Variants in CHN2 observed in about 807,000 individuals in gnomAD.
CHN2 encodes the protein chimerin 2, also known as beta-chimaerin.
CHN2 carries 35 observed loss-of-function variants against 56.3 expected under a neutral mutation model. That is an observed-to-expected ratio of 0.62 (90% CI 0.47 to 0.82). The LOEUF (loss-of-function observed/expected upper bound fraction) is 0.82. CHN2 is among the 40% of genes least tolerant of loss of function. The pLI, the probability that CHN2 is intolerant of heterozygous loss-of-function variation, is 0.00. For missense variants in CHN2, 491 were observed against 580.5 expected, an observed-to-expected ratio of 0.85 and a Z score of 1.58; for synonymous variants, 210 against 212.8, an observed-to-expected ratio of 0.99 and a Z score of 0.12.
At chr7:29,258,904 T>A (rs1789299492) in intron 1 of CHN2, among the ~76,000 whole-genome samples, 1 of 152,058 alleles carries the variant, frequency 6.6e-6, no homozygotes, top group South Asian at 2.1e-4. Flanking sequence ...GCATATGTAT[T>A]AGGTTATTGC....
At chr7:29,511,581 T>C (rs538469696) in intron 12 of CHN2, among the ~76,000 whole-genome samples, 19 of 152,302 alleles carry the variant, frequency 1.2e-4, no homozygotes, top group African/African-American at 4.3e-4. Flanking sequence ...TTTCCAACCT[T>C]CTTCTTAGGC....
chr7:29,280,256 CG>C (rs1174126359), intron 1 of CHN2, among the ~76,000 whole-genome samples: 12 of 151,812 alleles, frequency 7.9e-5, no homozygotes, highest in Non-Finnish European at 1.5e-4. Context: ...TGGTGGTGGG[CG>C]CCTGTAGTCC....
intron 6 of CHN2, among the ~76,000 whole-genome samples, chr7:29,445,463 G>T (rs1783966921): frequency 6.6e-6 from 1 of 152,142 alleles, no homozygotes; most frequent in Non-Finnish European, 1.5e-5. Context: ...GCAAAATCCA[G>T]CTCTGTATTA....
At chr7:29,379,591 A>G (rs1204891548) in intron 3 of CHN2, among the ~76,000 whole-genome samples, 1 of 152,212 alleles carries the variant, frequency 6.6e-6, no homozygotes, top group Non-Finnish European at 1.5e-5. Flanking sequence ...AACCTAGATG[A>G]TGTGTATATG....
At chr7:29,491,149 TG>T (rs1788621796) in intron 7 of CHN2, among the ~76,000 whole-genome samples, 1 of 152,152 alleles carries the variant, frequency 6.6e-6, no homozygotes, top group Non-Finnish European at 1.5e-5. Context: ...TGCTCTATTT[TG>T]GGTTTCTATT....
At chr7:29,347,114 A>T (rs948043148) in intron 1 of CHN2, among the ~76,000 whole-genome samples, 3 of 152,202 alleles carry the variant, frequency 2.0e-5, no homozygotes, top group Admixed American at 2.0e-4. Context: ...TAAGGCATCA[A>T]AAATTAAGAG....
At chr7:29,316,959 G>A (rs994588426) in intron 1 of CHN2, among the ~76,000 whole-genome samples, 1 of 152,082 alleles carries the variant, frequency 6.6e-6, no homozygotes, top group African/African-American at 2.4e-5. Context: ...AATAGGTTTC[G>A]ATTTAGTCAT....
At chr7:29,161,621 A>C (rs1795187286) in intron 2 of CHN2, among the ~76,000 whole-genome samples, 1 of 152,178 alleles carries the variant, frequency 6.6e-6, no homozygotes, top group African/African-American at 2.4e-5. Flanking sequence ...GTAGGTAACC[A>C]CGATGGGTAG....
chr7:29,472,682 T>C (rs1014399425), intron 6 of CHN2, among the ~76,000 whole-genome samples: 5 of 151,796 alleles, frequency 3.3e-5, no homozygotes, highest in African/African-American at 1.2e-4. Context: ...ATGGGCATGT[T>C]TTTTTTTTCC....
chr7:29,338,928 G>A (rs927069082), intron 1 of CHN2, among the ~76,000 whole-genome samples: 5 of 152,062 alleles, frequency 3.3e-5, no homozygotes, highest in Admixed American at 6.6e-5. Flanking sequence ...ATCTAACAAC[G>A]TAATGAAAGA....
intron 1 of CHN2, among the ~76,000 whole-genome samples, chr7:29,315,673 C>A (rs1363924467): frequency 2.0e-5 from 3 of 152,034 alleles, no homozygotes; most frequent in African/African-American, 4.8e-5. Flanking sequence ...ATAAACGATT[C>A]ATTTTTTTTT....
chr7:29,264,794 G>A (rs1489844051), intron 1 of CHN2, among the ~76,000 whole-genome samples: 3 of 148,618 alleles, frequency 2.0e-5, no homozygotes, highest in Non-Finnish European at 4.4e-5. Flanking sequence ...AGAGACACCC[G>A]GGGTGATCAA....
chr7:29,226,261 A>G (rs991227419), intron 1 of CHN2, among the ~76,000 whole-genome samples: 1 of 152,204 alleles, frequency 6.6e-6, no homozygotes, highest in South Asian at 2.1e-4. Flanking sequence ...AAAATGAACA[A>G]AAGTCCTTAA....
Position 29,500,000 on chromosome 7 carries a change from C to A in CHN2, c.873C>A (p.Pro291=). 6.3e-7 allele frequency: 1 copy of A among 1,594,740 alleles called. No homozygotes were observed. Among genetic ancestry groups the A allele is most frequent in the Non-Finnish European group, 8.5e-7 (1 of 1,170,558 alleles). Reference sequence around the variant, plus strand: ...TGAAGGCTCACAACACTCAGAGACCCATGGTGGTAGACATATGCATTCGGG... The same window carrying A: ...TGAAGGCTCACAACACTCAGAGACCAATGGTGGTAGACATATGCATTCGGG... ...TLVKAHNTQR[P]MVVDICIREI... The change falls in exon 9 of 13, where the codon CCC becomes CCA. Residue 291 remains proline (P), a synonymous_variant. Coordinates refer to ENST00000222792, the MANE Select transcript of CHN2 (RefSeq NM_004067.4).
intron 1 of CHN2, among the ~76,000 whole-genome samples, chr7:29,253,985 A>G (rs1420361904): frequency 1.3e-5 from 2 of 152,166 alleles, no homozygotes; most frequent in East Asian, 3.9e-4. Flanking sequence ...GCTCACTGCA[A>G]CCTCTGCCTC....
intron 1 of CHN2, among the ~76,000 whole-genome samples, chr7:29,316,299 A>G (rs1794948911): frequency 6.6e-6 from 1 of 152,240 alleles, no homozygotes; most frequent in African/African-American, 2.4e-5. Context: ...TATAATGCAT[A>G]ATAAAATCAG....
chr7:29,264,946 C>CA (rs1041123022), intron 1 of CHN2, among the ~76,000 whole-genome samples: 5 of 148,804 alleles, frequency 3.4e-5, no homozygotes, highest in Non-Finnish European at 7.4e-5. Context: ...TATTTCTTAG[C>CA]AAAAATTTAA....
intron 12 of CHN2, among the ~76,000 whole-genome samples, chr7:29,509,857 A>AAG (rs1487745824): frequency 7.3e-5 from 11 of 151,618 alleles, no homozygotes; most frequent in South Asian, 2.1e-4. Flanking sequence ...AAAAAAAAAA[A>AAG]AAAGAAAAAG....
rs149322159 is a variant in CHN2 at position 29,261,268 on chromosome 7, G to T, written c.49+66278G>T. On this transcript the variant is annotated intron_variant, in intron 1 of 12. Transcript: ENST00000222792. The stretch of plus-strand genomic sequence containing the variant: ...GGCCATGCAGCCTACTTAATGACCG[G>T]CGGAGGGGGTTGGTGTTTGCACTGT... 9.6e-3 allele frequency among the ~76,000 whole-genome samples: 1,463 copies of T among 152,354 alleles called. 13 individuals carry two copies. The highest frequency in any genetic ancestry group is 0.014 in the Non-Finnish European group (972 of 68,030).
Sources: allele counts gnomAD v4.1 joint callset (sites outside exome capture counted in the v4.1 genomes callset), GRCh38; gene constraint gnomAD v4.1.1; transcripts MANE v1.5; gene names NCBI Gene and HGNC (gene_info 2026-07-23, HGNC 2026-07-21).